The following ABCA12 variants were observed in gnomAD, a reference collection of about 807,000 sequenced individuals.
The protein encoded by ABCA12 is glucosylceramide transporter ABCA12.
In ABCA12, 156 loss-of-function variants were observed where a neutral mutation model predicts 293.5. That is an observed-to-expected ratio of 0.53 (90% CI 0.47 to 0.61). The LOEUF (loss-of-function observed/expected upper bound fraction) is 0.61. Among genes scored for constraint, ABCA12 ranks in the 20% least tolerant of loss-of-function variants. The pLI is 0.00. For missense variants in ABCA12, 2,797 were observed against 3,090.2 expected (o/e 0.91, Z 2.25); for synonymous variants, 1,063 against 1,108.0 (o/e 0.96, Z 0.81).
At chr2:215,063,885 A>G (rs1036301912) in intron 3 of ABCA12, among the ~76,000 whole-genome samples, 181 bp downstream of exon 3, 1 of 152,000 alleles carries the variant, frequency 6.6e-6, no homozygotes, top group African/African-American at 2.4e-5. Context: ...ATTGTACTCA[A>G]TCTCACATAA....
intron 14 of ABCA12, among the ~76,000 whole-genome samples, chr2:215,015,871 G>A (rs534116049): frequency 3.3e-5 from 5 of 152,312 alleles, no homozygotes; most frequent in South Asian, 4.1e-4. Context: ...GAGGCCGGGC[G>A]CGGTGGCTCA....
At chr2:215,078,556 T>C (rs184374951) in intron 2 of ABCA12, among the ~76,000 whole-genome samples, 2 of 152,340 alleles carry the variant, frequency 1.3e-5, no homozygotes, top group East Asian at 1.9e-4. Context: ...TTGTTGTTTA[T>C]TCCTGTGTAG....
At chr2:215,043,002 A>C (rs1420087996) in intron 7 of ABCA12, among the ~76,000 whole-genome samples, 1 of 151,978 alleles carries the variant, frequency 6.6e-6, no homozygotes, top group Non-Finnish European at 1.5e-5. Context: ...TATTTTCCAC[A>C]ATGGCCATTC....
At chr2:215,099,928 A>G (rs976325384) in intron 2 of ABCA12, among the ~76,000 whole-genome samples, 1 of 151,976 alleles carries the variant, frequency 6.6e-6, no homozygotes, top group Admixed American at 6.6e-5. Context: ...CAGACTTCCA[A>G]TGTTTCCATT....
intron 21 of ABCA12, 152 bp from the exon 22 acceptor site, chr2:215,001,172 A>C: frequency 1.3e-6 from 1 of 793,888 alleles, no homozygotes; most frequent in Non-Finnish European, 2.0e-6. Context: ...AAACATGGTT[A>C]ATTGGAGGTG....
At chr2:215,128,126 T>A (rs1416801062) in intron 1 of ABCA12, among the ~76,000 whole-genome samples, 1 of 152,192 alleles carries the variant, frequency 6.6e-6, no homozygotes, top group African/African-American at 2.4e-5. Flanking sequence ...AGATAGGGCC[T>A]CAATCTCTTC....
At chr2:215,124,464 C>T (rs186713214) in intron 1 of ABCA12, among the ~76,000 whole-genome samples, 18 of 152,106 alleles carry the variant, frequency 1.2e-4, no homozygotes, top group Non-Finnish European at 7.4e-5. Flanking sequence ...CTCATCCATG[C>T]CAATGTCTAC....
At chr2:215,103,962 G>A (rs1702411244) in intron 2 of ABCA12, among the ~76,000 whole-genome samples, 1 of 151,578 alleles carries the variant, frequency 6.6e-6, no homozygotes, top group African/African-American at 2.4e-5. Flanking sequence ...ACTCCAGCCT[G>A]GGCAACAGGG....
chr2:215,065,848 GT>G (rs1701630758), intron 2 of ABCA12, among the ~76,000 whole-genome samples: 1 of 151,996 alleles, frequency 6.6e-6, no homozygotes, highest in African/African-American at 2.4e-5. Context: ...GAAAAAAATA[GT>G]TTAAAAATTA....
At chr2:215,090,590 G>A (rs1038876384) in intron 2 of ABCA12, among the ~76,000 whole-genome samples, 53 of 152,070 alleles carry the variant, frequency 3.5e-4, no homozygotes, top group African/African-American at 1.1e-3. Flanking sequence ...AAACTCCAGC[G>A]CCGGTCACAG....
chr2:214,966,992 T>A, intron 38 of ABCA12, 39 bp from the exon 39 acceptor site: 1 of 1,495,430 alleles, frequency 6.7e-7, no homozygotes, highest in Middle Eastern at 1.7e-4. Flanking sequence ...AATATTGCAT[T>A]CAAATAAATT....
chr2:215,013,807 T>A (rs1026387389), intron 15 of ABCA12, among the ~76,000 whole-genome samples: 1 of 152,244 alleles, frequency 6.6e-6, no homozygotes, highest in Admixed American at 6.5e-5. Flanking sequence ...GGCCAGACAC[T>A]GTTCTTTGCA....
chr2:214,968,917 T>C lies in ABCA12; in HGVS notation c.5691-110A>G, dbSNP rs943102135. 3 of 852,284 alleles carry C rather than the reference T, an allele frequency of 3.5e-6. No homozygotes were observed. The East Asian group carries it at 7.3e-5, about 21-fold the overall frequency. The allele number at this position is 852,284 out of a possible 1,614,324, so 52.8% of individuals were successfully genotyped here. On this transcript the variant is annotated intron_variant, in intron 37 of 52. Transcript: ENST00000272895. Reference sequence around the variant, plus strand: ...CTTTTTGTTTCTGTTAGGAACACATTTACAGTATAAAATGAATACTTCCTG... The same window carrying C: ...CTTTTTGTTTCTGTTAGGAACACATCTACAGTATAAAATGAATACTTCCTG...
intron 6 of ABCA12, among the ~76,000 whole-genome samples, chr2:215,048,023 C>T (rs1381732690): frequency 6.6e-6 from 1 of 150,982 alleles, no homozygotes; most frequent in South Asian, 2.1e-4. Context: ...TGAACAGATG[C>T]TTTTCAAAAG....
Position 215,046,108 on chromosome 2 carries a change from T to C in ABCA12, c.694-93A>G, listed in dbSNP as rs1701197121. ...TTTTAAAAGCATCAAAAATCTAGAT[T>C]TTCACATAAGCAATTCTTTTAGACC... is the stretch of plus-strand genomic sequence containing the variant. On this transcript the variant is annotated intron_variant, in intron 6 of 52. Transcript: ENST00000272895. 6.7e-6 allele frequency: 9 copies of C among 1,334,778 alleles called. No individual in the cohort carries two copies. The East Asian group carries it at 2.2e-4, about 32-fold the overall frequency. The allele number at this position is 1,334,778 out of a possible 1,614,324, so 82.7% of individuals were successfully genotyped here. A position where few individuals can be genotyped will look rare whatever the true frequency, so the allele number is the denominator to read the frequency against.
intron 6 of ABCA12, among the ~76,000 whole-genome samples, chr2:215,046,731 A>G (rs1479716076): frequency 6.6e-6 from 1 of 152,018 alleles, no homozygotes. Context: ...GTGGGGTTGC[A>G]TTAAATGTAG....
At chr2:215,010,507 T>G (rs891906550) in intron 17 of ABCA12, 37 bp from the exon 18 acceptor site, 2 of 1,607,236 alleles carry the variant, frequency 1.2e-6, no homozygotes, top group Non-Finnish European at 1.7e-6. Flanking sequence ...ATTTAATAGA[T>G]GTACTTCAAA....
chr2:215,102,029 G>GTC (rs1491398591), intron 2 of ABCA12, among the ~76,000 whole-genome samples: 9 of 104,564 alleles, frequency 8.6e-5, no homozygotes, highest in Admixed American at 6.3e-4. Flanking sequence ...GTTTGTACAC[G>GTC]TGTGTGTGTG....
In ABCA12 at chr2:215,001,045, C is replaced by T. The variant is rs367673829; in HGVS notation, c.2864-25G>A. 2.5e-6 allele frequency: 4 copies of T among 1,609,638 alleles called. No individual in the cohort carries two copies. In the African/African-American group the frequency reaches 5.3e-5, roughly 22 times the overall value. On this transcript the variant is annotated intron_variant, in intron 21 of 52. Coordinates refer to ENST00000272895, the MANE Select transcript of ABCA12 (RefSeq NM_173076.3). ...CCTAAAAATAAAATGGCAACAACAGCAGAAAGGTTATTTTATGGTTGACGT... is the reference window on the plus strand; with the variant it reads ...CCTAAAAATAAAATGGCAACAACAGTAGAAAGGTTATTTTATGGTTGACGT...
Sources: allele counts gnomAD v4.1 joint callset (sites outside exome capture counted in the v4.1 genomes callset), GRCh38; gene constraint gnomAD v4.1.1; transcripts MANE v1.5; gene names NCBI Gene and HGNC (gene_info 2026-07-23, HGNC 2026-07-21).